Variants in ARHGAP22 observed in about 807,000 individuals in gnomAD.
ARHGAP22 encodes rho GTPase-activating protein 22.
A neutral mutation model predicts 59.1 loss-of-function variants in ARHGAP22; 48 were observed. The ratio of observed to expected loss-of-function variants is 0.81; its 90% CI spans 0.64 to 1.03. The LOEUF (loss-of-function observed/expected upper bound fraction) is 1.03. Ranked by LOEUF, ARHGAP22 falls within the 50% of genes least tolerant of loss-of-function variation. ARHGAP22 has a pLI of 0.00. For missense variants in ARHGAP22, 1,015 were observed against 958.7 expected, an observed-to-expected ratio of 1.06 and a Z score of -0.78; for synonymous variants, 445 against 416.4, an observed-to-expected ratio of 1.07 and a Z score of -0.84.
intron 1 of ARHGAP22, among the ~76,000 whole-genome samples, chr10:48,584,797 G>A (rs537819173): frequency 1.2e-4 from 18 of 152,198 alleles, no homozygotes; most frequent in South Asian, 4.1e-4. Flanking sequence ...GATTGAGACC[G>A]TCTTGGCTAA....
At chr10:48,564,542 G>C (rs2057924246) in intron 2 of ARHGAP22, among the ~76,000 whole-genome samples, 1 of 152,294 alleles carries the variant, frequency 6.6e-6, no homozygotes, top group Admixed American at 6.5e-5. Flanking sequence ...TTGCATCAAC[G>C]TAAAATTTAA....
intron 1 of ARHGAP22, among the ~76,000 whole-genome samples, chr10:48,619,124 A>G (rs981468402): frequency 1.3e-5 from 2 of 152,144 alleles, no homozygotes; most frequent in Non-Finnish European, 2.9e-5. Context: ...ATACCCAGGA[A>G]TAAGTTTAAC....
chr10:48,450,226 C>G, intron 9 of ARHGAP22, 35 bp downstream of exon 9: 3 of 1,598,968 alleles, frequency 1.9e-6, no homozygotes, highest in Non-Finnish European at 2.6e-6. Flanking sequence ...CAGGCTCCGC[C>G]CCGTCACAGG....
intron 5 of ARHGAP22, among the ~76,000 whole-genome samples, chr10:48,456,265 G>A (rs1208236456): frequency 6.6e-6 from 1 of 152,164 alleles, no homozygotes; most frequent in Non-Finnish European, 1.5e-5. Context: ...TCCCAGGCTA[G>A]GCTCACTGAG....
chr10:48,500,260 CTT>C (rs1421422999), intron 3 of ARHGAP22, among the ~76,000 whole-genome samples: 1 of 152,274 alleles, frequency 6.6e-6, no homozygotes, highest in East Asian at 1.9e-4. Context: ...AGGAGGGTAA[CTT>C]GACCTCAGCA....
At chr10:48,593,210 T>C (rs780228612) in intron 1 of ARHGAP22, among the ~76,000 whole-genome samples, 2 of 152,360 alleles carry the variant, frequency 1.3e-5, no homozygotes, top group African/African-American at 4.8e-5. Context: ...TATCACTCTT[T>C]AGAAACTGCT....
intron 7 of ARHGAP22, 39 bp from the exon 8 acceptor site, chr10:48,453,464 T>C (rs1294477371): frequency 4.3e-6 from 7 of 1,610,746 alleles, no homozygotes; most frequent in Non-Finnish European, 5.9e-6. Flanking sequence ...AAGAAGCAAG[T>C]TGTGATGCCC....
Position 48,508,425 on chromosome 10 carries a change from G to T in ARHGAP22, c.323-28661C>A, listed in dbSNP as rs1356693295. Among the ~76,000 whole-genome samples, 3 of 152,298 alleles carry T rather than the reference G, an allele frequency of 2.0e-5. No individual in the cohort carries two copies. In the East Asian group the frequency reaches 5.8e-4, roughly 29 times the overall value. On this transcript the variant is annotated intron_variant, in intron 3 of 9. Coordinates refer to ENST00000249601, the MANE Select transcript of ARHGAP22 (RefSeq NM_021226.4). ...TGCCCAGCAAGGGCTGCTGTGTCCTGGCTGCCTAAGCCTTTCCCACCCGGG... is the reference window on the plus strand; with the variant it reads ...TGCCCAGCAAGGGCTGCTGTGTCCTTGCTGCCTAAGCCTTTCCCACCCGGG...
intron 2 of ARHGAP22, among the ~76,000 whole-genome samples, chr10:48,573,132 G>A (rs1438611296): frequency 2.0e-5 from 3 of 152,182 alleles, no homozygotes; most frequent in African/African-American, 2.4e-5. Context: ...AGGCAGAGGC[G>A]AGGTTGGAGC....
rs1429548744 is a variant in ARHGAP22, at chr10:48,590,108, G to T, written c.35-6956C>A. ...GGTGGAGGGGTGAGGGTACACAAGGGCCACTTTACAGAGAGAGGGTAGGGG... is the reference window on the plus strand; with the variant it reads ...GGTGGAGGGGTGAGGGTACACAAGGTCCACTTTACAGAGAGAGGGTAGGGG... On this transcript the variant is annotated intron_variant, in intron 1 of 9. Coordinates refer to ENST00000249601, the MANE Select transcript of ARHGAP22 (RefSeq NM_021226.4). Among the ~76,000 whole-genome samples, 11 of 152,036 alleles carry T rather than the reference G, an allele frequency of 7.2e-5. No homozygotes were observed. In the East Asian group the frequency reaches 2.1e-3, roughly 29 times the overall value.
chr10:48,520,518 G>A (rs1042449724), intron 3 of ARHGAP22, among the ~76,000 whole-genome samples: 3 of 152,202 alleles, frequency 2.0e-5, no homozygotes, highest in Non-Finnish European at 4.4e-5. Context: ...GGAGGACAAA[G>A]GGGATTCAGG....
chr10:48,643,965 T>C (rs2062180622), intron 1 of ARHGAP22, among the ~76,000 whole-genome samples: 1 of 151,890 alleles, frequency 6.6e-6, no homozygotes, highest in South Asian at 2.1e-4. Context: ...CTAAACGACA[T>C]GGAGAAACTC....
chr10:48,563,751 A>G (rs1015848544), intron 2 of ARHGAP22, among the ~76,000 whole-genome samples: 3 of 152,242 alleles, frequency 2.0e-5, no homozygotes, highest in East Asian at 3.8e-4. Flanking sequence ...AAAACTTGCA[A>G]TGTAAATCTG....
At position 48,450,714 on chromosome 10, in the gene ARHGAP22, C is replaced by A. The variant is rs2045842937; in HGVS notation, c.1415G>T (p.Arg472Leu). 1 of 1,553,546 alleles carries A rather than the reference C, an allele frequency of 6.4e-7. No homozygotes were observed. The highest frequency in any genetic ancestry group is 8.7e-7 in the Non-Finnish European group (1 of 1,148,858). ...MNGLSSLRGH[R>L]RASSGDRLKD... Reference sequence around the variant, plus strand: ...GAGCCGGTCTCCCGACGAGGCCCGGCGGTGTCCGCGCAGGGAGGACAGCCC... The same window carrying A: ...GAGCCGGTCTCCCGACGAGGCCCGGAGGTGTCCGCGCAGGGAGGACAGCCC... Residue 472 changes from arginine (R) to leucine (L), a missense_variant, in exon 9 of 10, where the codon CGC (arginine) becomes CTC (leucine). By Grantham distance (102) the Arg-to-Leu change is moderately radical. Transcript: ENST00000249601.
chr10:48,478,391 TC>T, intron 4 of ARHGAP22, among the ~76,000 whole-genome samples: 1 of 152,318 alleles, frequency 6.6e-6, no homozygotes. Flanking sequence ...TGAAAGGTGG[TC>T]AGGTAGACCA....
intron 3 of ARHGAP22, among the ~76,000 whole-genome samples, chr10:48,485,900 T>A (rs1295550774): frequency 1.3e-5 from 2 of 152,216 alleles, no homozygotes; most frequent in African/African-American, 4.8e-5. Flanking sequence ...GCATTTTTTA[T>A]CAGGCATATA....
At chr10:48,564,848 A>G (rs2057947988) in intron 2 of ARHGAP22, among the ~76,000 whole-genome samples, 1 of 152,266 alleles carries the variant, frequency 6.6e-6, no homozygotes, top group African/African-American at 2.4e-5. Flanking sequence ...GTCTGCACAC[A>G]TCCCTGCCTG....
At chr10:48,538,244 G>T (rs557436235) in intron 3 of ARHGAP22, among the ~76,000 whole-genome samples, 4 of 152,232 alleles carry the variant, frequency 2.6e-5, no homozygotes, top group Non-Finnish European at 4.4e-5. Context: ...GTCTTCACAT[G>T]ACCTTCCTCC....
intron 1 of ARHGAP22, among the ~76,000 whole-genome samples, chr10:48,586,920 A>G (rs951998835): frequency 1.3e-5 from 2 of 152,104 alleles, no homozygotes; most frequent in African/African-American, 4.8e-5. Context: ...TTCCCTCTCC[A>G]TAGGAGCCCC....
Sources: gnomAD v4.1 joint callset for allele counts (sites outside exome capture counted in the v4.1 genomes callset) on GRCh38, gnomAD v4.1.1 for gene constraint, MANE v1.5 for transcripts, NCBI Gene and HGNC (gene_info 2026-07-23, HGNC 2026-07-21) for gene names.